Variants in USH2A observed in about 807,000 individuals in gnomAD.
The protein encoded by USH2A is Usher syndrome 2A (autosomal recessive, mild).
Under a neutral mutation model 538.9 loss-of-function variants are expected in USH2A, and 443 were observed. The observed-to-expected ratio is 0.82, with a 90% CI of 0.76 to 0.89. The LOEUF (loss-of-function observed/expected upper bound fraction) is 0.89. USH2A is among the 40% of genes least tolerant of loss of function. USH2A has a pLI of 0.00. For synonymous variants in USH2A, 2,413 were observed against 2,273.5 expected (o/e 1.06, Z -1.75); for missense variants, 6,633 against 6,324.8 (o/e 1.05, Z -1.65).
At chr1:216,292,815 C>T (rs2102611847) in intron 9 of USH2A, among the ~76,000 whole-genome samples, 1 of 152,210 alleles carries the variant, frequency 6.6e-6, no homozygotes, top group African/African-American at 2.4e-5. Flanking sequence ...CTTTGTAAAA[C>T]TTCAACATGT....
intron 47 of USH2A, among the ~76,000 whole-genome samples, chr1:215,821,340 T>TTAGTGA (rs1434696006): frequency 1.3e-5 from 2 of 151,820 alleles, no homozygotes; most frequent in Non-Finnish European, 1.5e-5. Context: ...TCTCATCTCT[T>TTAGTGA]TAGTGATGAT....
chr1:216,236,092 A>G (rs759973582), intron 13 of USH2A, among the ~76,000 whole-genome samples: 62 of 152,306 alleles, frequency 4.1e-4, no homozygotes, highest in Non-Finnish European at 8.1e-4. Flanking sequence ...AGACTTGATC[A>G]AGTGAATACA....
At chr1:215,835,055 T>C (rs1367872840) in intron 47 of USH2A, among the ~76,000 whole-genome samples, 13 of 151,566 alleles carry the variant, frequency 8.6e-5, no homozygotes, top group Admixed American at 8.5e-4. Context: ...AATTTTCTTT[T>C]ATCTGTCTGA....
intron 61 of USH2A, among the ~76,000 whole-genome samples, chr1:215,689,401 G>T (rs1010851405): frequency 1.3e-5 from 2 of 152,132 alleles, no homozygotes; most frequent in Non-Finnish European, 2.9e-5. Context: ...TGTCAGATTG[G>T]TTAAGGTGAA....
At chr1:216,075,913 AG>A (rs2031732974) in intron 27 of USH2A, among the ~76,000 whole-genome samples, 1 of 152,170 alleles carries the variant, frequency 6.6e-6, no homozygotes, top group Non-Finnish European at 1.5e-5. Flanking sequence ...GAAAAAAAAA[AG>A]GTGCTAATTA....
intron 29 of USH2A, 68 bp from the exon 30 acceptor site, chr1:216,070,360 A>T (rs1442162591): frequency 2.1e-6 from 3 of 1,441,822 alleles, no homozygotes; most frequent in Non-Finnish European, 2.9e-6. Flanking sequence ...CCTATTCTTC[A>T]CTTTTAATGG....
chr1:215,712,412 T>C (rs921453204), intron 61 of USH2A, among the ~76,000 whole-genome samples: 16 of 152,228 alleles, frequency 1.1e-4, no homozygotes, highest in Non-Finnish European at 2.2e-4. Context: ...CTCATCGCCT[T>C]TGCTGTCAGC....
intron 49 of USH2A, among the ~76,000 whole-genome samples, chr1:215,803,949 G>A (rs1662416576): frequency 1.3e-5 from 2 of 152,054 alleles, no homozygotes; most frequent in South Asian, 2.1e-4. Context: ...TAAACCAAAG[G>A]AACAGAACAG....
At chr1:215,718,688 C>A (rs1659564650) in intron 61 of USH2A, among the ~76,000 whole-genome samples, 1 of 152,096 alleles carries the variant, frequency 6.6e-6, no homozygotes, top group Admixed American at 6.6e-5. Flanking sequence ...TTCCCCCTCA[C>A]CCATAAGCCC....
chr1:216,327,391 T>C (rs2102658534), intron 5 of USH2A, among the ~76,000 whole-genome samples, 200 bp downstream of exon 5: 1 of 152,294 alleles, frequency 6.6e-6, no homozygotes, highest in South Asian at 2.1e-4. Flanking sequence ...AATTTCATAT[T>C]ACAAGGAGTT....
intron 21 of USH2A, among the ~76,000 whole-genome samples, chr1:216,163,912 A>G (rs915449011): frequency 3.3e-5 from 5 of 152,120 alleles, no homozygotes; most frequent in Non-Finnish European, 5.9e-5. Context: ...CACAAGTCCT[A>G]GAAGCCTTTG....
intron 44 of USH2A, among the ~76,000 whole-genome samples, chr1:215,858,699 C>T (rs904274916): frequency 2.0e-5 from 3 of 151,704 alleles, no homozygotes; most frequent in African/African-American, 7.3e-5. Context: ...AAGAGCTTTG[C>T]TATTAAATGT....
intron 3 of USH2A, among the ~76,000 whole-genome samples, chr1:216,373,631 C>T (rs750465439): frequency 6.6e-5 from 10 of 152,102 alleles, no homozygotes; most frequent in Non-Finnish European, 1.3e-4. Context: ...TACATAAGCA[C>T]GATGTAAACA....
chr1:216,401,940 A>C (rs1323587260), intron 3 of USH2A, among the ~76,000 whole-genome samples: 2 of 152,114 alleles, frequency 1.3e-5, no homozygotes, highest in African/African-American at 2.4e-5. Flanking sequence ...AAGTATACAA[A>C]GTAGATGTAC....
At chr1:216,377,855 GA>G (rs1182627810) in intron 3 of USH2A, among the ~76,000 whole-genome samples, 26 of 134,248 alleles carry the variant, frequency 1.9e-4, no homozygotes, top group African/African-American at 4.7e-4. Context: ...AAGAAAGAAA[GA>G]AAGAAAGAAA....
At chr1:215,732,232 T>TGAGTAGA (rs1298102723) in intron 60 of USH2A, among the ~76,000 whole-genome samples, 9 of 152,168 alleles carry the variant, frequency 5.9e-5, no homozygotes, top group Non-Finnish European at 1.2e-4. Flanking sequence ...TCGTCAAGTT[T>TGAGTAGA]TTGGTGTGAG....
intron 61 of USH2A, among the ~76,000 whole-genome samples, chr1:215,681,970 T>C (rs1478558606): frequency 6.6e-6 from 1 of 152,204 alleles, no homozygotes; most frequent in Non-Finnish European, 1.5e-5. Flanking sequence ...ATATTAAAAG[T>C]TAGATCATAA....
At chr1:216,197,714 T>A (rs1310134763) in intron 18 of USH2A, among the ~76,000 whole-genome samples, 1 of 152,104 alleles carries the variant, frequency 6.6e-6, no homozygotes, top group South Asian at 2.1e-4. Flanking sequence ...TGTTTTAATA[T>A]AAAAAATAAA....
intron 61 of USH2A, among the ~76,000 whole-genome samples, chr1:215,710,994 G>A (rs1659324479): frequency 6.6e-6 from 1 of 151,750 alleles, no homozygotes; most frequent in Non-Finnish European, 1.5e-5. Context: ...AGTCACTGCT[G>A]CTTCAGTTTA....
Sources: allele counts gnomAD v4.1 joint callset (sites outside exome capture counted in the v4.1 genomes callset), GRCh38; gene constraint gnomAD v4.1.1; transcripts MANE v1.5; gene names NCBI Gene and HGNC (gene_info 2026-07-23, HGNC 2026-07-21).